MRTFA: variants seen among roughly 807,000 people sequenced by gnomAD.
MRTFA encodes the protein myocardin related transcription factor A.
Under a neutral mutation model 83.5 loss-of-function variants are expected in MRTFA, and 20 were observed. The observed-to-expected ratio is 0.24, with a 90% CI of 0.17 to 0.35. MRTFA has a LOEUF of 0.35. Ranked by LOEUF, MRTFA falls within the 10% of genes least tolerant of loss-of-function variation. The pLI, the probability that MRTFA is intolerant of heterozygous loss-of-function variation, is 1.00. For synonymous variants in MRTFA, 659 were observed against 541.2 expected, an observed-to-expected ratio of 1.22 and a Z score of -3.02; for missense variants, 1,200 against 1,224.7, an observed-to-expected ratio of 0.98 and a Z score of 0.30.
At chr22:40,455,803 A>AGTATGTAT (rs3044520) in intron 4 of MRTFA, among the ~76,000 whole-genome samples, 34,084 of 143,106 alleles carry the variant, frequency 0.24, 4,414 homozygotes, top group East Asian at 0.5. Context: ...ATGGTATCCC[A>AGTATGTAT]GTATGTATGT....
rs115175354 is a variant in MRTFA at position 40,418,538 on chromosome 22, G to C, written c.2200C>G (p.Pro734Ala). ...AGAAGCAACTGGGGGGCGGGGACCG[G>C]CTCGGGCTCAGGCTGCAAGGCTTCC... The change falls in exon 12 of 15, where the codon CCG (proline) becomes GCG (alanine). Residue 734 changes from proline to alanine, a missense_variant. Transcript: ENST00000355630. 13 of 1,584,576 alleles carry C rather than the reference G, an allele frequency of 8.2e-6. No homozygotes were observed. The highest frequency in any genetic ancestry group is 1.1e-5 in the Non-Finnish European group (13 of 1,169,478).
At chr22:40,551,042 G>A (rs1040593056) in intron 3 of MRTFA, among the ~76,000 whole-genome samples, 5 of 149,922 alleles carry the variant, frequency 3.3e-5, no homozygotes, top group East Asian at 2.0e-4. Flanking sequence ...GTAAAGACGG[G>A]GTTTCTCCAT....
At chr22:40,486,118 T>TA (rs779212563) in intron 3 of MRTFA, among the ~76,000 whole-genome samples, 1 of 152,202 alleles carries the variant, frequency 6.6e-6, no homozygotes. Context: ...GATCCCGACT[T>TA]ACGCCTTTAA....
At chr22:40,545,479 G>A (rs1175217961) in intron 3 of MRTFA, among the ~76,000 whole-genome samples, 2 of 151,084 alleles carry the variant, frequency 1.3e-5, no homozygotes, top group Admixed American at 1.3e-4. Flanking sequence ...TCCCCAGGCT[G>A]GAGTGCAGTG....
chr22:40,417,535 G>C (rs2052710274), intron 12 of MRTFA, 42 bp from the exon 13 acceptor site: 3 of 1,271,994 alleles, frequency 2.4e-6, no homozygotes, highest in Non-Finnish European at 3.1e-6. Context: ...CCAGGGGGCT[G>C]GGGGTGCAGA....
At chr22:40,602,677 T>TAA (rs133031) in intron 1 of MRTFA, among the ~76,000 whole-genome samples, 115 of 128,764 alleles carry the variant, frequency 8.9e-4, no homozygotes, top group Non-Finnish European at 1.5e-3. Flanking sequence ...CATCTCCACT[T>TAA]AAAAAAAAAA....
At chr22:40,444,216 T>C (rs2147115997) in intron 4 of MRTFA, among the ~76,000 whole-genome samples, 1 of 152,220 alleles carries the variant, frequency 6.6e-6, no homozygotes, top group South Asian at 2.1e-4. Flanking sequence ...AAAGATTCGG[T>C]GAACCAGAAT....
chr22:40,514,461 A>G (rs2054722307), intron 3 of MRTFA, among the ~76,000 whole-genome samples: 1 of 150,570 alleles, frequency 6.6e-6, no homozygotes, highest in Non-Finnish European at 1.5e-5. Flanking sequence ...AAAAACAAAA[A>G]TGTCCCTCCT....
chr22:40,486,158 C>G (rs146725151), intron 3 of MRTFA, among the ~76,000 whole-genome samples: 357 of 152,230 alleles, frequency 2.3e-3, no homozygotes, highest in Non-Finnish European at 4.1e-3. Context: ...CCTGGTGTAC[C>G]TTCTTCATCC....
At chr22:40,453,965 T>G (rs2053541332) in intron 4 of MRTFA, among the ~76,000 whole-genome samples, 1 of 152,208 alleles carries the variant, frequency 6.6e-6, no homozygotes, top group East Asian at 1.9e-4. Flanking sequence ...GCTCATAAAA[T>G]GATAGTCCTG....
chr22:40,567,434 C>A (rs2055722204), intron 2 of MRTFA, among the ~76,000 whole-genome samples: 1 of 152,140 alleles, frequency 6.6e-6, no homozygotes, highest in Non-Finnish European at 1.5e-5. Flanking sequence ...GTATAAGAGA[C>A]CTGAATAAAT....
exon 1 of MRTFA, chr22:40,636,715 GGCCCGCCCACCAC>G (rs1569363727): frequency 6.6e-6 from 1 of 152,306 alleles, no homozygotes; most frequent in Non-Finnish European, 1.5e-5. Context: ...GGAAGCTGCG[GGCCCGCCCACCAC>G]GCCCGCCTCC....
chr22:40,540,856 T>C (rs1290752871), intron 3 of MRTFA, among the ~76,000 whole-genome samples: 1 of 149,732 alleles, frequency 6.7e-6, no homozygotes. Flanking sequence ...GTGTCTGACA[T>C]ACATGACAGC....
At chr22:40,613,528 A>C (rs1244385239) in intron 1 of MRTFA, among the ~76,000 whole-genome samples, 1 of 152,172 alleles carries the variant, frequency 6.6e-6, no homozygotes, top group African/African-American at 2.4e-5. Context: ...TAGCCATTCT[A>C]ATGGGAATAA....
At chr22:40,573,337 C>T (rs1328037230) in intron 2 of MRTFA, among the ~76,000 whole-genome samples, 1 of 152,188 alleles carries the variant, frequency 6.6e-6, no homozygotes, top group Non-Finnish European at 1.5e-5. Context: ...TCACTGCAAC[C>T]TCTGCCTCCC....
At position 40,421,427 on chromosome 22, in the gene MRTFA, C is replaced by T. The variant is rs183157425; in HGVS notation, c.928-327G>A. Among the ~76,000 whole-genome samples the T allele has an allele frequency of 3.0e-4, 46 of 152,272 alleles. No individual in the cohort carries two copies. The East Asian group carries it at 8.1e-3, about 27-fold the overall frequency. ...CAGCTGACTGATGGAGCTCGGGCTG[C>T]GCCAGACCAGGCACCTTCCAAAGAC... is the stretch of plus-strand genomic sequence containing the variant. On this transcript the variant is annotated intron_variant, in intron 9 of 14. Coordinates refer to ENST00000355630, the MANE Select transcript of MRTFA (RefSeq NM_020831.6).
intron 1 of MRTFA, among the ~76,000 whole-genome samples, chr22:40,625,532 C>T (rs1207633896): frequency 6.6e-6 from 1 of 151,988 alleles, no homozygotes; most frequent in Non-Finnish European, 1.5e-5. Flanking sequence ...TAATCCATAA[C>T]TTTGGGAGGC....
chr22:40,417,430 G>T lies in MRTFA; in HGVS notation c.2428C>A (p.Leu810Met), dbSNP rs1246005885. 1.2e-6 allele frequency: 2 copies of T among 1,608,550 alleles called. No individual in the cohort carries two copies. The highest frequency in any genetic ancestry group is 1.7e-5 in the Admixed American group (1 of 59,384). The stretch of plus-strand genomic sequence containing the variant: ...GTGGGGGTCCCAAAGAGGGGCTGCA[G>T]TGGGTGCTCCAGGTCCATCTGGGCA... Residue 810 changes from leucine (L) to methionine (M), a missense_variant, in exon 13 of 15, where the codon CTG (leucine) becomes ATG (methionine). Leu to Met is a conservative substitution (Grantham distance 15, BLOSUM62 2). Around this residue, in one of 2 missense-constraint regions of MRTFA, gnomAD observed 1,107 missense variants for 1,041.8 expected, o/e 1.06. Coordinates refer to ENST00000355630, the MANE Select transcript of MRTFA (RefSeq NM_020831.6).
intron 2 of MRTFA, among the ~76,000 whole-genome samples, chr22:40,584,722 C>T (rs1457240907): frequency 7.4e-6 from 1 of 135,150 alleles, no homozygotes; most frequent in Non-Finnish European, 1.5e-5. Context: ...AAGAGTGAGA[C>T]TCTGTCTCAA....
Sources: gnomAD v4.1 joint callset for allele counts (sites outside exome capture counted in the v4.1 genomes callset) on GRCh38, gnomAD v4.1.1 for gene constraint, gnomAD v4.1.1 regional missense constraint, MANE v1.5 for transcripts, NCBI Gene and HGNC (gene_info 2026-07-23, HGNC 2026-07-21) for gene names.